Variants in SIGMAR1 observed in about 807,000 individuals in gnomAD.
SIGMAR1 encodes the protein SR31747 binding protein 1.
A neutral mutation model predicts 25.4 loss-of-function variants in SIGMAR1; 18 were observed. The ratio of observed to expected loss-of-function variants is 0.71; its 90% CI spans 0.49 to 1.05. SIGMAR1 has a LOEUF of 1.05. Ranked by LOEUF, SIGMAR1 falls within the 50% of genes least tolerant of loss-of-function variation. The pLI, the probability that SIGMAR1 is intolerant of heterozygous loss-of-function variation, is 0.00. For synonymous variants in SIGMAR1, 125 were observed against 131.6 expected, an observed-to-expected ratio of 0.95 and a Z score of 0.34; for missense variants, 249 against 301.6, an observed-to-expected ratio of 0.83 and a Z score of 1.29.
chr9:34,636,796 GTT>G (rs1820880965), intron 3 of SIGMAR1, 199 bp downstream of exon 3: 2 of 616,602 alleles, frequency 3.2e-6, no homozygotes, highest in African/African-American at 3.7e-5. Flanking sequence ...AAGTTGTTAT[GTT>G]TTGTTTCCCC....
At chr9:34,636,262 C>T (rs1340580653) in intron 3 of SIGMAR1, among the ~76,000 whole-genome samples, 1 of 149,784 alleles carries the variant, frequency 6.7e-6, no homozygotes, top group East Asian at 2.0e-4. Flanking sequence ...ATACACCCAA[C>T]CTCAAATATA....
rs1263231180 is a variant in SIGMAR1 at position 34,637,593 on chromosome 9, G to C, written c.105C>G (p.Phe35Leu). 3.8e-6 allele frequency: 6 copies of C among 1,565,186 alleles called. No homozygotes were observed. Among genetic ancestry groups the C allele is most frequent in the Non-Finnish European group, 5.2e-6 (6 of 1,160,126 alleles). Residue 35 changes from phenylalanine (F) to leucine (L), a missense_variant, in exon 1 of 4, where the codon TTC (phenylalanine) becomes TTG (leucine). Coordinates refer to ENST00000277010, the MANE Select transcript of SIGMAR1 (RefSeq NM_005866.4). ...VVWLWLGTQSFVFQREEIAQL... is the reference protein window; with the variant it reads ...VVWLWLGTQSLVFQREEIAQL... ...GCGCTATCTCTTCGCGCTGGAAGAC[G>C]AAGCTCTGCGTACCCAGCCAGAGCC...
chr9:34,636,117 C>T (rs1178402438), intron 3 of SIGMAR1, among the ~76,000 whole-genome samples: 1 of 152,040 alleles, frequency 6.6e-6, no homozygotes, highest in Non-Finnish European at 1.5e-5. Context: ...GAAGTCTGCA[C>T]TCCCAAGCCT....
At chr9:34,637,492 C>T in intron 1 of SIGMAR1, 55 bp downstream of exon 1, 1 of 1,579,838 alleles carries the variant, frequency 6.3e-7, no homozygotes, top group Non-Finnish European at 8.6e-7. Context: ...GCCTTCGGAA[C>T]CCTAGGCTCC....
At position 34,637,593 on chromosome 9, in the gene SIGMAR1, G is replaced by A; in HGVS notation, c.105C>T (p.Phe35=). Residue 35 remains phenylalanine, a synonymous_variant, in exon 1 of 4, where the codon TTC becomes TTT. Transcript: ENST00000277010. The stretch of plus-strand genomic sequence containing the variant: ...GCGCTATCTCTTCGCGCTGGAAGAC[G>A]AAGCTCTGCGTACCCAGCCAGAGCC... ...VVWLWLGTQS[F]VFQREEIAQL... is the part of the protein sequence containing the mutation. 6.4e-7 allele frequency: 1 copy of A among 1,565,186 alleles called. No individual in the cohort carries two copies. Among genetic ancestry groups the A allele is most frequent in the Non-Finnish European group, 8.6e-7 (1 of 1,160,126 alleles).
rs1175760927 is a variant in SIGMAR1 at position 34,635,874 on chromosome 9, C to T, written c.446-16G>A. On this transcript the variant is annotated splice_polypyrimidine_tract_variant and intron_variant, in intron 3 of 3. Coordinates refer to ENST00000277010, the MANE Select transcript of SIGMAR1 (RefSeq NM_005866.4). This position sits in a 1 kb window ranked among gnomAD's most constrained non-coding sequence, Gnocchi z 4.5. ...ACCGTCTCCCCTGGGGGACAGGGAG[C>T]ACCCAAGTGAAAAGCCAGCTCTGCC... is the stretch of plus-strand genomic sequence containing the variant. 8 of 1,613,546 alleles carry T rather than the reference C, an allele frequency of 5.0e-6. No homozygotes were observed. The highest frequency in any genetic ancestry group is 5.9e-6 in the Non-Finnish European group (7 of 1,180,004).
At position 34,635,050 on chromosome 9, in the gene SIGMAR1, GT is replaced by G. The variant is rs1820790910; in HGVS notation, c.*581del. 6.2e-6 allele frequency: 1 copy of G among 161,930 alleles called. No individual in the cohort carries two copies. Among genetic ancestry groups the G allele is most frequent in the African/African-American group, 2.4e-5 (1 of 41,556 alleles). The allele number at this position is 161,930 out of a possible 1,614,324, so 10.0% of individuals were successfully genotyped here. ...CCAGCTGAGCTTTGTTGCTGAGGGG[GT>G]TGGGGACAAGCCACAGGGGCACTTG... is the stretch of plus-strand genomic sequence containing the variant. On this transcript the variant is annotated 3_prime_UTR_variant, in exon 4 of 4. Transcript: ENST00000277010. The surrounding 1 kb of genome is among the most constrained non-coding windows in gnomAD (Gnocchi z 4.5).
intron 3 of SIGMAR1, chr9:34,636,670 T>C (rs1820876781): frequency 2.3e-6 from 1 of 431,282 alleles, no homozygotes. Context: ...CTGTCTGTCT[T>C]GTCTTTTGGG....
rs1820778463 is a variant in SIGMAR1 at position 34,634,809 on chromosome 9, GTGTGTGTGTGTGTGTGTATGTGT to G, written c.*800_*822del. The G allele has an allele frequency of 6.6e-6, 1 of 152,136 alleles. No individual in the cohort carries two copies. Among genetic ancestry groups the G allele is most frequent in the Non-Finnish European group, 1.5e-5 (1 of 68,324 alleles). 9.4% of individuals were successfully genotyped at this position (152,136 alleles called of 1,614,324 possible). ...GCTGTGTGAAAACTGTGATATGTGTGTGTGTGTGTGTGTGTGTATGTGTTGTGTGTGTGTAAAAGGCCTTCTCC... is the reference window on the plus strand; with the variant it reads ...GCTGTGTGAAAACTGTGATATGTGTGTGTGTGTGTGTAAAAGGCCTTCTCC... On this transcript the variant is annotated 3_prime_UTR_variant, in exon 4 of 4. Coordinates refer to ENST00000277010, the MANE Select transcript of SIGMAR1 (RefSeq NM_005866.4).
In SIGMAR1 at chr9:34,635,591, C is replaced by A. The variant is rs367671036; in HGVS notation, c.*41G>T. ...GCAAGTGGATATGTGCGGGCCTGCC[C>A]GCTCCTGTCTATCCGCAGGTCTTCC... On this transcript the variant is annotated 3_prime_UTR_variant, in exon 4 of 4. Transcript: ENST00000277010. The surrounding 1 kb of genome is among the most constrained non-coding windows in gnomAD (Gnocchi z 4.5). 2 of 1,612,884 alleles carry A rather than the reference C, an allele frequency of 1.2e-6. No individual in the cohort carries two copies. Among genetic ancestry groups the A allele is most frequent in the Non-Finnish European group, 1.7e-6 (2 of 1,179,512 alleles).
Position 34,635,749 on chromosome 9 carries a change from C to T in SIGMAR1, c.555G>A (p.Ala185=), listed in dbSNP as rs752887416. ...RGVIPSTLAF[A]LADTVFSTQD... Reference sequence around the variant, plus strand: ...GGGTGCTGAAGACAGTGTCGGCCAGCGCGAAGGCCAGGGTGGATGGGATGA... The same window carrying T: ...GGGTGCTGAAGACAGTGTCGGCCAGTGCGAAGGCCAGGGTGGATGGGATGA... Residue 185 remains alanine (A), a synonymous_variant, in exon 4 of 4, where the codon GCG becomes GCA. Coordinates refer to ENST00000277010, the MANE Select transcript of SIGMAR1 (RefSeq NM_005866.4). This position sits in a 1 kb window ranked among gnomAD's most constrained non-coding sequence, Gnocchi z 4.5. 11 of 1,614,212 alleles carry T rather than the reference C, an allele frequency of 6.8e-6. No homozygotes were observed. In the East Asian group the frequency reaches 1.3e-4, roughly 20 times the overall value.
rs1362037519 is a variant in SIGMAR1 at position 34,635,779 on chromosome 9, C to T, written c.525G>A (p.Arg175=). The change falls in exon 4 of 4, where the codon CGG becomes CGA. Residue 175 remains arginine, a synonymous_variant. Coordinates refer to ENST00000277010, the MANE Select transcript of SIGMAR1 (RefSeq NM_005866.4). The surrounding 1 kb of genome is among the most constrained non-coding windows in gnomAD (Gnocchi z 4.5). ...AGGCCAGGGTGGATGGGATGACGCC[C>T]CGGCCGTACTCCACCATCCATGTGT... ...GPNTWMVEYG[R]GVIPSTLAFA... The T allele has an allele frequency of 6.2e-7, 1 of 1,614,206 alleles. No homozygotes were observed. Among genetic ancestry groups the T allele is most frequent in the Admixed American group, 1.7e-5 (1 of 60,030 alleles).
At chr9:34,636,685 T>C (rs1234837005) in intron 3 of SIGMAR1, 1 of 475,914 alleles carries the variant, frequency 2.1e-6, no homozygotes, top group East Asian at 4.0e-5. Context: ...TTTGGGGTAT[T>C]GAGAGCATTT....
In SIGMAR1 at chr9:34,636,782, T is replaced by C. The variant is rs146053121; in HGVS notation, c.445+215A>G. On this transcript the variant is annotated intron_variant, in intron 3 of 3. Coordinates refer to ENST00000277010, the MANE Select transcript of SIGMAR1 (RefSeq NM_005866.4). ...GCAGATAAAAATCAGACATGTTTAA[T>C]AGGAAGTTGTTATGTTTTGTTTCCC... 2.0e-5 allele frequency: 12 copies of C among 607,820 alleles called. No individual in the cohort carries two copies. The East Asian group carries it at 3.1e-4, about 15-fold the overall frequency. The allele number at this position is 607,820 out of a possible 1,614,324, so 37.7% of individuals were successfully genotyped here. A position where few individuals can be genotyped will look rare whatever the true frequency, so the allele number is the denominator to read the frequency against.
intron 2 of SIGMAR1, 36 bp downstream of exon 2, chr9:34,637,184 C>G: frequency 6.4e-7 from 1 of 1,551,448 alleles, no homozygotes; most frequent in Non-Finnish European, 8.7e-7. Context: ...CCTTTACAAC[C>G]CCAGCCTCCC....
chr9:34,637,120 G>C, intron 2 of SIGMAR1, 31 bp from the exon 3 acceptor site: 1 of 1,612,842 alleles, frequency 6.2e-7, no homozygotes, highest in Non-Finnish European at 8.5e-7. Flanking sequence ...ACACTATCAG[G>C]GTATTCGCGC....
Position 34,637,602 on chromosome 9 carries a change from C to G in SIGMAR1, c.96G>C (p.Thr32=). ...LTQVVWLWLG[T]QSFVFQREEI... ...CTTCGCGCTGGAAGACGAAGCTCTG[C>G]GTACCCAGCCAGAGCCAGACGACCT... Residue 32 remains threonine, a synonymous_variant, in exon 1 of 4, where the codon ACG becomes ACC. Transcript: ENST00000277010. 6.4e-7 allele frequency: 1 copy of G among 1,558,508 alleles called. No individual in the cohort carries two copies. The highest frequency in any genetic ancestry group is 8.6e-7 in the Non-Finnish European group (1 of 1,156,882).
chr9:34,636,620 G>A, intron 3 of SIGMAR1: 1 of 338,494 alleles, frequency 3.0e-6, no homozygotes, highest in Non-Finnish European at 5.8e-6. Context: ...GGGCGACTGA[G>A]CAAGACTCCA....
In SIGMAR1 at chr9:34,635,955, T is replaced by C; in HGVS notation, c.446-97A>G. The C allele has an allele frequency of 1.9e-6, 3 of 1,552,078 alleles. No homozygotes were observed. The highest frequency in any genetic ancestry group is 2.6e-6 in the Non-Finnish European group (3 of 1,145,732). On this transcript the variant is annotated intron_variant, in intron 3 of 3. Coordinates refer to ENST00000277010, the MANE Select transcript of SIGMAR1 (RefSeq NM_005866.4). This position sits in a 1 kb window ranked among gnomAD's most constrained non-coding sequence, Gnocchi z 4.5. Reference sequence around the variant, plus strand: ...CCATGGACTAACTAGGGGTGGGGAATGGAGAGGGAGCTTCAGAAAAACAAA... The same window carrying C: ...CCATGGACTAACTAGGGGTGGGGAACGGAGAGGGAGCTTCAGAAAAACAAA...
Sources: gnomAD v4.1 joint callset for allele counts (sites outside exome capture counted in the v4.1 genomes callset) on GRCh38, gnomAD v4.1.1 for gene constraint, Gnocchi (gnomAD v3.1) non-coding constraint, MANE v1.5 for transcripts, NCBI Gene and HGNC (gene_info 2026-07-23, HGNC 2026-07-21) for gene names.